SANBR: variants seen among roughly 807,000 people sequenced by gnomAD.
The protein encoded by SANBR is SANT and BTB domain regulator of class switch recombination.
Under a neutral mutation model 101.8 loss-of-function variants are expected in SANBR, and 77 were observed. That is an observed-to-expected ratio of 0.76 (90% CI 0.63 to 0.91). SANBR has a LOEUF of 0.91. Among genes scored for constraint, SANBR ranks in the 40% least tolerant of loss-of-function variants. SANBR has a pLI of 0.00. For missense variants in SANBR, 875 were observed against 853.0 expected (o/e 1.03, Z -0.32); for synonymous variants, 279 against 274.7 (o/e 1.02, Z -0.15).
chr2:61,097,117 T>C (rs1444666921), intron 11 of SANBR, among the ~76,000 whole-genome samples: 2 of 152,092 alleles, frequency 1.3e-5, no homozygotes, highest in Non-Finnish European at 2.9e-5. Context: ...TGGCACCACT[T>C]CACTCCAGCC....
rs1684442055 is a variant in SANBR at position 61,124,105 on chromosome 2, A to C, written c.*1943A>C. 7 of 959,272 alleles carry C rather than the reference A, an allele frequency of 7.3e-6. No homozygotes were observed. The highest frequency in any genetic ancestry group is 1.8e-5 in the African/African-American group (1 of 56,742). The allele number at this position is 959,272 out of a possible 1,614,324, so 59.4% of individuals were successfully genotyped here. On this transcript the variant is annotated 3_prime_UTR_variant, in exon 22 of 22. Transcript: ENST00000402291. Reference sequence around the variant, plus strand: ...GCAAGACTCCATCTCAATTTAAAACAAAAAAAGAATGTGTTTTTAATTTTG... The same window carrying C: ...GCAAGACTCCATCTCAATTTAAAACCAAAAAAGAATGTGTTTTTAATTTTG...
chr2:61,125,086 C>G (rs1462437108), downstream of SANBR, among the ~76,000 whole-genome samples: 1 of 152,216 alleles, frequency 6.6e-6, no homozygotes, highest in Non-Finnish European at 1.5e-5. Flanking sequence ...GGCTAACTCT[C>G]TTTCTCCTAT....
At chr2:61,108,466 CT>C (rs1410593754) in intron 15 of SANBR, 117 bp downstream of exon 15, 5 of 598,974 alleles carry the variant, frequency 8.3e-6, no homozygotes, top group African/African-American at 1.9e-5. Flanking sequence ...GTACATCTTC[CT>C]TTTCAGATTC....
At chr2:61,076,186 G>C (rs931809582) in intron 5 of SANBR, among the ~76,000 whole-genome samples, 3 of 150,796 alleles carry the variant, frequency 2.0e-5, no homozygotes, top group African/African-American at 7.3e-5. Context: ...GTAGAGACGG[G>C]GTTTCACCAT....
At chr2:61,075,584 T>G (rs981164084) in intron 5 of SANBR, among the ~76,000 whole-genome samples, 4 of 152,174 alleles carry the variant, frequency 2.6e-5, no homozygotes, top group Non-Finnish European at 4.4e-5. Flanking sequence ...GAAAGTAAAT[T>G]CAAGGAGATT....
downstream of SANBR, among the ~76,000 whole-genome samples, chr2:61,124,841 C>T (rs1335945348): frequency 6.6e-6 from 1 of 152,144 alleles, no homozygotes; most frequent in Non-Finnish European, 1.5e-5. Context: ...TGTTACTTTC[C>T]TTCTTCACAA....
chr2:61,094,783 A>G (rs1198499593), intron 11 of SANBR, among the ~76,000 whole-genome samples: 1 of 151,518 alleles, frequency 6.6e-6, no homozygotes, highest in East Asian at 1.9e-4. Flanking sequence ...AGCTGGGATT[A>G]CTGGCATGCG....
intron 20 of SANBR, among the ~76,000 whole-genome samples, chr2:61,131,748 A>C (rs1684694081): frequency 6.6e-6 from 1 of 152,230 alleles, no homozygotes; most frequent in South Asian, 2.1e-4. Context: ...ATTTTGGAAG[A>C]CAACAAAGTT....
chr2:61,112,688 T>A (rs1198117150), intron 16 of SANBR, among the ~76,000 whole-genome samples: 1 of 152,110 alleles, frequency 6.6e-6, no homozygotes, highest in African/African-American at 2.4e-5. Flanking sequence ...GAGATGGGGT[T>A]TTGCCATGTT....
chr2:61,130,305 A>G (rs1684647630), intron 20 of SANBR, among the ~76,000 whole-genome samples: 1 of 152,198 alleles, frequency 6.6e-6, no homozygotes, highest in African/African-American at 2.4e-5. Flanking sequence ...TGGATAACTT[A>G]GATTAAATGA....
At chr2:61,072,569 A>G (rs1681530295) in intron 4 of SANBR, among the ~76,000 whole-genome samples, 1 of 152,116 alleles carries the variant, frequency 6.6e-6, no homozygotes. Flanking sequence ...TGAGCAAGAC[A>G]CTGTCTGTAA....
chr2:61,117,135 C>G, intron 17 of SANBR: 1 of 546,344 alleles, frequency 1.8e-6, no homozygotes, highest in Non-Finnish European at 3.3e-6. Context: ...GTCTGTATCT[C>G]TTTGGAGAAG....
At chr2:61,133,228 G>A (rs1436276714) in intron 20 of SANBR, among the ~76,000 whole-genome samples, 1 of 152,090 alleles carries the variant, frequency 6.6e-6, no homozygotes, top group Non-Finnish European at 1.5e-5. Context: ...CTGCACTCCA[G>A]CCTGGGCAAC....
At chr2:61,086,434 AT>A (rs1682433553) in intron 8 of SANBR, among the ~76,000 whole-genome samples, 1 of 152,110 alleles carries the variant, frequency 6.6e-6, no homozygotes, top group Admixed American at 6.6e-5. Flanking sequence ...TCATTTTTTA[AT>A]TGTTAGCAAA....
At chr2:61,103,369 G>T (rs899990239) in intron 12 of SANBR, among the ~76,000 whole-genome samples, 1 of 151,946 alleles carries the variant, frequency 6.6e-6, no homozygotes, top group African/African-American at 2.4e-5. Flanking sequence ...AAACTCCTGG[G>T]CTCAAGCAAT....
chr2:61,088,183 A>G lies in SANBR; in HGVS notation c.915A>G (p.Glu305=), dbSNP rs1175190168. 1.2e-6 allele frequency: 2 copies of G among 1,606,494 alleles called. No homozygotes were observed. The highest frequency in any genetic ancestry group is 1.3e-5 in the African/African-American group (1 of 74,714). Residue 305 remains glutamate, a synonymous_variant, in exon 9 of 22, where the codon GAA becomes GAG. Transcript: ENST00000402291. ...FKSKLFCKKI[E]RLFDPEYLNP... is the part of the protein sequence containing the mutation. ...GCAAACTTTTTTGTAAGAAGATTGA[A>G]AGACTGTTTGATCCTGAGTACTTGA...
intron 8 of SANBR, among the ~76,000 whole-genome samples, chr2:61,087,918 A>AT (rs984847160): frequency 1.3e-5 from 2 of 152,014 alleles, no homozygotes; most frequent in East Asian, 3.8e-4. Context: ...TATCAATCTT[A>AT]TTTTTTATGG....
Position 61,079,760 on chromosome 2 carries a change from G to A in SANBR, c.671-1692G>A, listed in dbSNP as rs181379370. ...ACTATTAAAAATTCAAAAAAAATTA[G>A]CCTGGTGGCGTGTGCCTGTAGTCCC... is the stretch of plus-strand genomic sequence containing the variant. On this transcript the variant is annotated intron_variant, in intron 6 of 21. Transcript: ENST00000402291. 1.3e-3 allele frequency among the ~76,000 whole-genome samples: 202 copies of A among 152,090 alleles called. 2 individuals carry two copies. The highest frequency in any genetic ancestry group is 0.011 in the Admixed American group (161 of 15,268).
At chr2:61,128,259 G>A (rs1384726919), downstream of SANBR, among the ~76,000 whole-genome samples, 4 of 147,302 alleles carry the variant, frequency 2.7e-5, no homozygotes, top group East Asian at 2.0e-4. Flanking sequence ...GTGACACAGC[G>A]AGACTCTGTC....
Sources: allele counts gnomAD v4.1 joint callset (sites outside exome capture counted in the v4.1 genomes callset), GRCh38; gene constraint gnomAD v4.1.1; transcripts MANE v1.5; gene names NCBI Gene and HGNC (gene_info 2026-07-23, HGNC 2026-07-21).